Variants in VWA5B1 observed in about 807,000 individuals in gnomAD.
VWA5B1 encodes the protein von Willebrand factor A domain containing 5B1.
A neutral mutation model predicts 118.2 loss-of-function variants in VWA5B1; 115 were observed. The ratio of observed to expected loss-of-function variants is 0.97; its 90% CI spans 0.84 to 1.14. The LOEUF (loss-of-function observed/expected upper bound fraction) is 1.14. Ranked by LOEUF, VWA5B1 falls within the 50% of genes most tolerant of loss-of-function variation. VWA5B1 has a pLI of 0.00. For synonymous variants in VWA5B1, 682 were observed against 658.4 expected, an observed-to-expected ratio of 1.04 and a Z score of -0.55; for missense variants, 1,596 against 1,603.8, an observed-to-expected ratio of 1.00 and a Z score of 0.08.
intron 4 of VWA5B1, among the ~76,000 whole-genome samples, chr1:20,315,837 G>T (rs1172999577): frequency 6.6e-6 from 1 of 152,256 alleles, no homozygotes; most frequent in Non-Finnish European, 1.5e-5. Context: ...GGTGGCATAA[G>T]CCAGTCTCAG....
At chr1:20,302,877 A>T (rs2088536631) in intron 1 of VWA5B1, among the ~76,000 whole-genome samples, 1 of 152,122 alleles carries the variant, frequency 6.6e-6, no homozygotes, top group African/African-American at 2.4e-5. Context: ...TTGTTTGGAG[A>T]CGTAGCGAGA....
At chr1:20,304,045 G>A (rs542420915) in intron 1 of VWA5B1, among the ~76,000 whole-genome samples, 2 of 152,246 alleles carry the variant, frequency 1.3e-5, no homozygotes, top group Non-Finnish European at 2.9e-5. Flanking sequence ...GAACCTGGTA[G>A]ATGCCCCTAT....
chr1:20,333,235 A>T lies in VWA5B1; in HGVS notation c.1758+284A>T, dbSNP rs532810642. ...CTTGTTTAAAATGCACAGCTTTGGG[A>T]GGCCGAGGCAGGAAGATCACTTGAG... On this transcript the variant is annotated intron_variant, in intron 12 of 21. Coordinates refer to ENST00000289815, the MANE Select transcript of VWA5B1 (RefSeq NM_001039500.3). Among the ~76,000 whole-genome samples the T allele has an allele frequency of 9.8e-5, 15 of 152,356 alleles. No homozygotes were observed. In the South Asian group the frequency reaches 2.9e-3, roughly 29 times the overall value.
chr1:20,327,695 T>TGGC (rs937177592), intron 8 of VWA5B1, among the ~76,000 whole-genome samples, 195 bp from the exon 9 acceptor site: 1 of 151,646 alleles, frequency 6.6e-6, no homozygotes, highest in African/African-American at 2.4e-5. Flanking sequence ...GTGGTGGTGG[T>TGGC]GGCTTTGGTC....
At chr1:20,309,697 GT>G (rs2088784386) in intron 1 of VWA5B1, among the ~76,000 whole-genome samples, 1 of 152,158 alleles carries the variant, frequency 6.6e-6, no homozygotes, top group Non-Finnish European at 1.5e-5. Flanking sequence ...GCAGAGACCT[GT>G]CCAGTTTATG....
chr1:20,338,361 G>A, intron 14 of VWA5B1: 1 of 315,048 alleles, frequency 3.2e-6, no homozygotes, highest in Non-Finnish European at 6.2e-6. Context: ...TTGTTTGTTT[G>A]TTTGTTGAGA....
chr1:20,343,449 C>CTCCACAGCCGCTCCCCCT, intron 16 of VWA5B1, 56 bp downstream of exon 16: 1 of 1,457,102 alleles, frequency 6.9e-7, no homozygotes, highest in Non-Finnish European at 9.0e-7. Flanking sequence ...GACAGCCCCG[C>CTCCACAGCCGCTCCCCCT]TCCACAGCCG....
At chr1:20,332,587 A>G (rs945759816) in intron 11 of VWA5B1, among the ~76,000 whole-genome samples, 179 bp from the exon 12 acceptor site, 4 of 152,006 alleles carry the variant, frequency 2.6e-5, no homozygotes, top group African/African-American at 4.8e-5. Flanking sequence ...ATGCTCCCCA[A>G]CTCTGACATT....
chr1:20,312,106 T>A (rs1391101948), intron 2 of VWA5B1, among the ~76,000 whole-genome samples: 1 of 152,108 alleles, frequency 6.6e-6, no homozygotes, highest in Non-Finnish European at 1.5e-5. Flanking sequence ...GTAGATAAAA[T>A]AAGACCTTAA....
Position 20,314,518 on chromosome 1 carries a change from G to T in VWA5B1, c.489G>T (p.Leu163=). The T allele has an allele frequency of 2.6e-6, 4 of 1,551,702 alleles. No individual in the cohort carries two copies. The South Asian group carries it at 3.6e-5, about 14-fold the overall frequency. The change falls in exon 4 of 22, where the codon CTG becomes CTT. Residue 163 remains leucine (L), a synonymous_variant. Transcript: ENST00000289815. ...TLPSGAVRVL[L]PAVCAPTVPQ... Reference sequence around the variant, plus strand: ...CCAGCGGGGCTGTGAGGGTCCTTCTGCCTGCTGTCTGTGCCCCAACCGTGC... The same window carrying T: ...CCAGCGGGGCTGTGAGGGTCCTTCTTCCTGCTGTCTGTGCCCCAACCGTGC...
chr1:20,308,669 T>C (rs1325075240), intron 1 of VWA5B1, among the ~76,000 whole-genome samples: 1 of 152,186 alleles, frequency 6.6e-6, no homozygotes, highest in South Asian at 2.1e-4. Flanking sequence ...CTCCCGGCTC[T>C]TTATCTGCCT....
chr1:20,314,181 A>T, intron 3 of VWA5B1, 141 bp from the exon 4 acceptor site: 1 of 841,448 alleles, frequency 1.2e-6, no homozygotes, highest in Non-Finnish European at 1.9e-6. Flanking sequence ...TCAATGGCTT[A>T]CTTATTCACA....
At position 20,348,401 on chromosome 1, in the gene VWA5B1, G is replaced by T. The variant is rs76090999; in HGVS notation, c.2878+43G>T. ...AGTAAGAGCCACCCTGGGCACTTTC[G>T]GAAGCCTGGGCCCCTGAGGTTACCG... On this transcript the variant is annotated intron_variant, in intron 18 of 21. Coordinates refer to ENST00000289815, the MANE Select transcript of VWA5B1 (RefSeq NM_001039500.3). The T allele has an allele frequency of 1.0e-3, 1,608 of 1,543,700 alleles. 7 individuals carry two copies. In the African/African-American group the frequency reaches 0.016, roughly 15 times the overall value.
chr1:20,345,290 A>T (rs535112564), intron 16 of VWA5B1, among the ~76,000 whole-genome samples, 166 bp from the exon 17 acceptor site: 1 of 152,316 alleles, frequency 6.6e-6, no homozygotes, highest in African/African-American at 2.4e-5. Flanking sequence ...GTGTTGTTTT[A>T]AAAAATGTCT....
intron 14 of VWA5B1, among the ~76,000 whole-genome samples, chr1:20,341,702 A>T (rs1175376028): frequency 6.6e-6 from 1 of 152,234 alleles, no homozygotes; most frequent in East Asian, 1.9e-4. Flanking sequence ...ACTATTGCAA[A>T]TGTATTTCTC....
chr1:20,343,048 G>GCGCTTGGCC lies in VWA5B1; in HGVS notation c.2312-29_2312-21dup, dbSNP rs777020715. ...AGTTGGCCGTCTGTCCCCCAGGTCA[G>GCGCTTGGCC]CGCTTGGCCCACTTGTCCCTCTGCC... On this transcript the variant is annotated intron_variant, in intron 15 of 21. Transcript: ENST00000289815. 6.3e-5 allele frequency: 93 copies of GCGCTTGGCC among 1,485,298 alleles called. 1 individual carries two copies. The African/African-American group carries it at 1.2e-3, about 19-fold the overall frequency. 92.0% of individuals were successfully genotyped at this position (1,485,298 alleles called of 1,614,324 possible).
Position 20,327,801 on chromosome 1 carries a change from C to G in VWA5B1, c.1144-89C>G. 1.8e-6 allele frequency: 2 copies of G among 1,116,158 alleles called. 1 individual carries two copies. The highest frequency in any genetic ancestry group is 2.7e-5 in the South Asian group (2 of 74,308). The allele number at this position is 1,116,158 out of a possible 1,614,324, so 69.1% of individuals were successfully genotyped here. On this transcript the variant is annotated intron_variant, in intron 8 of 21. Coordinates refer to ENST00000289815, the MANE Select transcript of VWA5B1 (RefSeq NM_001039500.3). ...GGTAAAGGTCTGTTTGGAGGCTGCT[C>G]GTGTGCTGGGAAAGGGAATATTGGA...
At chr1:20,326,679 G>A (rs530485522) in intron 8 of VWA5B1, among the ~76,000 whole-genome samples, 4 of 152,144 alleles carry the variant, frequency 2.6e-5, no homozygotes, top group African/African-American at 7.2e-5. Context: ...TCGAACTCCT[G>A]ACCTCATGAT....
At chr1:20,302,859 A>T (rs967105117) in intron 1 of VWA5B1, among the ~76,000 whole-genome samples, 1 of 152,198 alleles carries the variant, frequency 6.6e-6, no homozygotes, top group Non-Finnish European at 1.5e-5. Context: ...CGGTAGCAGA[A>T]GTCAGCCTTG....
Sources: allele counts gnomAD v4.1 joint callset (sites outside exome capture counted in the v4.1 genomes callset), GRCh38; gene constraint gnomAD v4.1.1; transcripts MANE v1.5; gene names NCBI Gene and HGNC (gene_info 2026-07-23, HGNC 2026-07-21).